The following CBLB variants were observed in gnomAD, a reference collection of about 807,000 sequenced individuals.
CBLB encodes Cbl proto-oncogene B.
CBLB carries 31 observed loss-of-function variants against 104.9 expected under a neutral mutation model. The observed-to-expected ratio is 0.30, with a 90% CI of 0.22 to 0.40. The LOEUF is 0.40. Among genes scored for constraint, CBLB ranks in the 10% least tolerant of loss-of-function variants. CBLB has a pLI of 1.00. For missense variants in CBLB, 1,062 were observed against 1,214.6 expected (o/e 0.87, Z 1.87); for synonymous variants, 440 against 422.6 (o/e 1.04, Z -0.51).
At chr3:105,660,775 T>C (rs2063716881) in intron 18 of CBLB, among the ~76,000 whole-genome samples, 1 of 152,134 alleles carries the variant, frequency 6.6e-6, no homozygotes, top group African/African-American at 2.4e-5. Flanking sequence ...ACGTAAATAA[T>C]AAAAGCTAAT....
intron 5 of CBLB, among the ~76,000 whole-genome samples, chr3:105,748,825 C>G (rs948152737): frequency 2.0e-5 from 3 of 152,238 alleles, no homozygotes; most frequent in Admixed American, 6.5e-5. Context: ...TCCTGCCCCC[C>G]CACTGGCTCC....
chr3:105,695,659 C>T (rs2068273100), intron 12 of CBLB, among the ~76,000 whole-genome samples: 1 of 151,764 alleles, frequency 6.6e-6, no homozygotes, highest in Non-Finnish European at 1.5e-5. Context: ...TTCAGAAATA[C>T]CATTTGTTAC....
chr3:105,807,814 T>G (rs757418978), intron 3 of CBLB, among the ~76,000 whole-genome samples: 10 of 152,190 alleles, frequency 6.6e-5, no homozygotes, highest in African/African-American at 2.4e-4. Context: ...GAAAGGACCT[T>G]AGACATACTG....
At chr3:105,666,309 G>A (rs554915593) in intron 18 of CBLB, among the ~76,000 whole-genome samples, 14 of 152,216 alleles carry the variant, frequency 9.2e-5, no homozygotes, top group African/African-American at 2.9e-4. Context: ...AACACATTAT[G>A]ATTAACTTTG....
intron 2 of CBLB, among the ~76,000 whole-genome samples, chr3:105,865,127 T>C (rs2092350832): frequency 6.6e-6 from 1 of 152,176 alleles, no homozygotes; most frequent in Non-Finnish European, 1.5e-5. Flanking sequence ...AAGTTCCTGA[T>C]GTAATCATCA....
chr3:105,808,458 T>C (rs1055317999), intron 3 of CBLB, among the ~76,000 whole-genome samples: 2 of 152,164 alleles, frequency 1.3e-5, no homozygotes, highest in African/African-American at 4.8e-5. Context: ...AGATCTGTGT[T>C]TTCATAATAT....
intron 4 of CBLB, among the ~76,000 whole-genome samples, chr3:105,757,857 T>C (rs1409954653): frequency 6.6e-6 from 1 of 152,202 alleles, no homozygotes; most frequent in African/African-American, 2.4e-5. Context: ...ATATGTTCTA[T>C]ATTCAGCAGC....
chr3:105,854,852 C>G (rs555192489), intron 2 of CBLB, among the ~76,000 whole-genome samples: 1 of 151,888 alleles, frequency 6.6e-6, no homozygotes, highest in South Asian at 2.1e-4. Flanking sequence ...AGGCTGGTCT[C>G]GAACTCCTGA....
At chr3:105,859,289 T>C (rs1041293814) in intron 2 of CBLB, among the ~76,000 whole-genome samples, 1 of 152,196 alleles carries the variant, frequency 6.6e-6, no homozygotes, top group African/African-American at 2.4e-5. Flanking sequence ...CCTCACTTCA[T>C]GGAGCATTCA....
At chr3:105,787,331 G>A (rs1257973619) in intron 3 of CBLB, among the ~76,000 whole-genome samples, 2 of 152,178 alleles carry the variant, frequency 1.3e-5, no homozygotes, top group Non-Finnish European at 2.9e-5. Context: ...CTGGGATACA[G>A]TGGAAGAAAA....
rs573960523 is a variant in CBLB at position 105,768,594 on chromosome 3, C to T, written c.566+7802G>A. Among the ~76,000 whole-genome samples the T allele has an allele frequency of 1.4e-4, 21 of 152,294 alleles. No homozygotes were observed. The South Asian group carries it at 4.1e-3, about 30-fold the overall frequency. ...AAAATGAGGCTAGCATATGTGAAAG[C>T]ACTGAACACAAAATCTGACATACAA... On this transcript the variant is annotated intron_variant, in intron 4 of 18. Transcript: ENST00000394030.
rs1576108342 is a variant in CBLB, at chr3:105,662,979, A to ATG, written c.2690-3751_2690-3750insCA. On this transcript the variant is annotated intron_variant, in intron 18 of 18. Coordinates refer to ENST00000394030, the MANE Select transcript of CBLB (RefSeq NM_170662.5). ...TGTTACTACTTGAGACCTTCACTAC[A>ATG]ACAGTTACTGCTGTTACTACTTGAG... 1.1e-4 allele frequency among the ~76,000 whole-genome samples: 16 copies of ATG among 148,516 alleles called. No individual in the cohort carries two copies. The East Asian group carries it at 3.2e-3, about 30-fold the overall frequency.
intron 3 of CBLB, among the ~76,000 whole-genome samples, chr3:105,852,718 G>A (rs2091106901): frequency 1.3e-5 from 2 of 151,710 alleles, no homozygotes. Context: ...GTTATTACAG[G>A]TTATCCATTT....
intron 3 of CBLB, among the ~76,000 whole-genome samples, chr3:105,830,776 A>G (rs2087385744): frequency 1.3e-5 from 2 of 152,226 alleles, no homozygotes; most frequent in South Asian, 2.1e-4. Flanking sequence ...TTCTCCTTCA[A>G]TTAAAGCACA....
At chr3:105,806,697 G>A (rs1307566165) in intron 3 of CBLB, among the ~76,000 whole-genome samples, 2 of 151,998 alleles carry the variant, frequency 1.3e-5, no homozygotes, top group South Asian at 2.1e-4. Flanking sequence ...ATACTACCCT[G>A]CAACAGGTTA....
At chr3:105,825,146 T>C (rs554314473) in intron 3 of CBLB, among the ~76,000 whole-genome samples, 2 of 152,320 alleles carry the variant, frequency 1.3e-5, no homozygotes, top group East Asian at 3.9e-4. Flanking sequence ...ACTAAATCCT[T>C]TGTGTCTCAA....
At chr3:105,756,800 T>C (rs1307422320) in intron 4 of CBLB, among the ~76,000 whole-genome samples, 1 of 152,190 alleles carries the variant, frequency 6.6e-6, no homozygotes, top group African/African-American at 2.4e-5. Flanking sequence ...ATGATAGAGT[T>C]TGGGTATTTG....
intron 4 of CBLB, among the ~76,000 whole-genome samples, chr3:105,769,083 A>T (rs2078559750): frequency 6.6e-6 from 1 of 151,934 alleles, no homozygotes; most frequent in Non-Finnish European, 1.5e-5. Context: ...GGAGGCTGAG[A>T]CAGGTGGATC....
chr3:105,771,925 TG>T (rs1254032015), intron 4 of CBLB, among the ~76,000 whole-genome samples: 1 of 152,002 alleles, frequency 6.6e-6, no homozygotes, highest in East Asian at 1.9e-4. Context: ...TGCTCATGGA[TG>T]GGAAGAATAA....
Sources: gnomAD v4.1 joint callset for allele counts (sites outside exome capture counted in the v4.1 genomes callset) on GRCh38, gnomAD v4.1.1 for gene constraint, MANE v1.5 for transcripts, NCBI Gene and HGNC (gene_info 2026-07-23, HGNC 2026-07-21) for gene names.